Variants in DOCK3 observed in about 807,000 individuals in gnomAD.
DOCK3 encodes dedicator of cytokinesis protein 3.
In DOCK3, 60 loss-of-function variants were observed where a neutral mutation model predicts 265.6. That is an observed-to-expected ratio of 0.23 (90% CI 0.18 to 0.28). The LOEUF is 0.28. DOCK3 is among the 10% of genes least tolerant of loss of function. The pLI is 1.00. For synonymous variants in DOCK3, 881 were observed against 938.0 expected, an observed-to-expected ratio of 0.94 and a Z score of 1.11; for missense variants, 1,981 against 2,594.3, an observed-to-expected ratio of 0.76 and a Z score of 5.14.
chr3:50,901,567 A>C (rs2049197664), intron 4 of DOCK3: 1 of 450,490 alleles, frequency 2.2e-6, no homozygotes, highest in Non-Finnish European at 4.4e-6. Context: ...ATGGTCACCT[A>C]GTTTTGTGCT....
chr3:51,078,006 G>A (rs948878225), intron 7 of DOCK3, among the ~76,000 whole-genome samples: 1 of 150,630 alleles, frequency 6.6e-6, no homozygotes, highest in Admixed American at 6.6e-5. Context: ...ACACTTAGAA[G>A]CCCGGACCTC....
chr3:51,268,036 A>T (rs1576601293), intron 23 of DOCK3, among the ~76,000 whole-genome samples: 1 of 152,146 alleles, frequency 6.6e-6, no homozygotes, highest in African/African-American at 2.4e-5. Context: ...GAAATACCTA[A>T]TGTAGATGAT....
At chr3:50,796,608 G>C (rs1283190696) in intron 2 of DOCK3, among the ~76,000 whole-genome samples, 1 of 152,228 alleles carries the variant, frequency 6.6e-6, no homozygotes, top group Non-Finnish European at 1.5e-5. Flanking sequence ...AAAGTGTTGG[G>C]ATTACAGGCG....
chr3:50,920,369 G>A (rs1211514004), intron 4 of DOCK3, among the ~76,000 whole-genome samples: 5 of 152,052 alleles, frequency 3.3e-5, no homozygotes, highest in African/African-American at 7.2e-5. Flanking sequence ...CTGTGAATCC[G>A]TCTGGTCCTG....
At chr3:51,326,926 C>A (rs2084167690) in intron 32 of DOCK3, among the ~76,000 whole-genome samples, 1 of 152,034 alleles carries the variant, frequency 6.6e-6, no homozygotes, top group Admixed American at 6.6e-5. Flanking sequence ...CTCCCAGCCC[C>A]TAATTTTAGC....
intron 4 of DOCK3, among the ~76,000 whole-genome samples, chr3:50,930,877 T>A (rs1306610531): frequency 6.6e-6 from 1 of 152,124 alleles, no homozygotes; most frequent in Non-Finnish European, 1.5e-5. Flanking sequence ...TGGGCACCAC[T>A]CTCACTTCCC....
intron 12 of DOCK3, among the ~76,000 whole-genome samples, chr3:51,204,063 T>A (rs1381178448): frequency 6.8e-6 from 1 of 148,088 alleles, no homozygotes; most frequent in Non-Finnish European, 1.5e-5. Flanking sequence ...ATAAAAACCC[T>A]AGAAGAAAAC....
intron 9 of DOCK3, among the ~76,000 whole-genome samples, chr3:51,096,503 A>G (rs1186805386): frequency 2.6e-5 from 4 of 152,032 alleles, no homozygotes; most frequent in African/African-American, 9.7e-5. Context: ...CAGGTCATTT[A>G]TGTTCTTCTC....
intron 27 of DOCK3, among the ~76,000 whole-genome samples, chr3:51,286,138 G>T (rs75154446): frequency 6.6e-6 from 1 of 152,124 alleles, no homozygotes; most frequent in East Asian, 1.9e-4. Flanking sequence ...TACAAAAATC[G>T]ATGTAAAAAA....
chr3:50,691,968 G>T (rs1461077560), intron 1 of DOCK3, among the ~76,000 whole-genome samples: 2 of 150,042 alleles, frequency 1.3e-5, no homozygotes, highest in Admixed American at 6.7e-5. Flanking sequence ...AGGCTGGAGT[G>T]CAGTGGCACG....
At chr3:51,313,638 G>T (rs1440401944) in intron 31 of DOCK3, among the ~76,000 whole-genome samples, 1 of 152,154 alleles carries the variant, frequency 6.6e-6, no homozygotes, top group African/African-American at 2.4e-5. Flanking sequence ...TCTGCTTTCA[G>T]CTGAGCTCAT....
intron 27 of DOCK3, 25 bp downstream of exon 27, chr3:51,280,229 T>A: frequency 6.2e-7 from 1 of 1,603,492 alleles, no homozygotes; most frequent in South Asian, 1.1e-5. Flanking sequence ...ACCTTTCCTC[T>A]GGGAGAGGAA....
At chr3:51,193,110 A>C (rs1005162761) in intron 12 of DOCK3, among the ~76,000 whole-genome samples, 1 of 152,050 alleles carries the variant, frequency 6.6e-6, no homozygotes, top group African/African-American at 2.4e-5. Context: ...TAGTTTTGTG[A>C]GAGTTTTTAT....
intron 3 of DOCK3, among the ~76,000 whole-genome samples, chr3:50,862,408 G>A (rs2046960733): frequency 6.6e-6 from 1 of 152,210 alleles, no homozygotes; most frequent in Admixed American, 6.5e-5. Context: ...CCAGAAGGTG[G>A]TGCTTAAGAG....
rs539726953 is a variant in DOCK3, at chr3:51,266,836, TTAAAC to T, written c.2356-3974_2356-3970del. Among the ~76,000 whole-genome samples, 35 of 152,312 alleles carry T rather than the reference TTAAAC, an allele frequency of 2.3e-4. 1 individual carries two copies. The East Asian group carries it at 6.6e-3, about 29-fold the overall frequency. On this transcript the variant is annotated intron_variant, in intron 23 of 52. Transcript: ENST00000266037. ...GCCAAAATTGACAAATGGAATCTGA[TTAAAC>T]TAAAGAGCTTCTGCACAGCAAAAGA... is the stretch of plus-strand genomic sequence containing the variant.
At chr3:51,244,261 T>A (rs2078729635) in intron 21 of DOCK3, among the ~76,000 whole-genome samples, 1 of 151,958 alleles carries the variant, frequency 6.6e-6, no homozygotes, top group Non-Finnish European at 1.5e-5. Context: ...GTGTTAGGGA[T>A]TGCATTGAAT....
At chr3:50,737,746 T>C (rs1400696441) in intron 1 of DOCK3, among the ~76,000 whole-genome samples, 2 of 152,226 alleles carry the variant, frequency 1.3e-5, no homozygotes, top group African/African-American at 4.8e-5. Flanking sequence ...TTGCAGAATT[T>C]GTTTGGTTCT....
chr3:51,161,272 GTC>G (rs1468310444), intron 12 of DOCK3, among the ~76,000 whole-genome samples: 1 of 151,586 alleles, frequency 6.6e-6, no homozygotes, highest in Non-Finnish European at 1.5e-5. Context: ...GTGAAACCCT[GTC>G]TCTACTAAAA....
chr3:50,777,031 C>G (rs573110701), intron 1 of DOCK3, among the ~76,000 whole-genome samples: 1 of 152,260 alleles, frequency 6.6e-6, no homozygotes, highest in Admixed American at 6.5e-5. Flanking sequence ...TTCCCCTTAT[C>G]AAACCATCAG....
Sources: allele counts gnomAD v4.1 joint callset (sites outside exome capture counted in the v4.1 genomes callset), GRCh38; gene constraint gnomAD v4.1.1; transcripts MANE v1.5; gene names NCBI Gene and HGNC (gene_info 2026-07-23, HGNC 2026-07-21).